The following NCR1 variants were observed in gnomAD, a reference collection of about 807,000 sequenced individuals.
NCR1 encodes natural cytotoxicity triggering receptor 1, also known as NK cell-activating receptor.
Under a neutral mutation model 32.5 loss-of-function variants are expected in NCR1, and 30 were observed. That is an observed-to-expected ratio of 0.92 (90% CI 0.69 to 1.25). NCR1 has a LOEUF of 1.25. Among genes scored for constraint, NCR1 ranks in the 50% most tolerant of loss-of-function variants. The pLI is 0.00. For synonymous variants in NCR1, 169 were observed against 143.4 expected, an observed-to-expected ratio of 1.18 and a Z score of -1.28; for missense variants, 369 against 380.7, an observed-to-expected ratio of 0.97 and a Z score of 0.26.
chr19:54,938,016 C>A, the NCR1 span: 2 of 1,570,892 alleles, frequency 1.3e-6, no homozygotes, highest in African/African-American at 2.7e-5. Flanking sequence ...CGTTCAGGGT[C>A]TTCCTTGCAA....
downstream of NCR1, among the ~76,000 whole-genome samples, chr19:54,917,101 C>G (rs1353458628): frequency 6.6e-6 from 1 of 151,900 alleles, no homozygotes; most frequent in South Asian, 2.1e-4. Flanking sequence ...CCTCGAAGGA[C>G]TCACTTCTCT....
intron 5 of NCR1, among the ~76,000 whole-genome samples, chr19:54,910,621 T>G (rs912667609): frequency 2.6e-5 from 4 of 152,012 alleles, no homozygotes; most frequent in African/African-American, 9.7e-5. Context: ...ATCAAGTGCA[T>G]AGTATACACA....
the NCR1 span, chr19:54,936,255 A>T: frequency 6.2e-7 from 1 of 1,612,024 alleles, no homozygotes. Flanking sequence ...TGACCGTGAG[A>T]CCCACCTCAG....
downstream of NCR1, among the ~76,000 whole-genome samples, chr19:54,917,391 C>T (rs2068157638): frequency 6.6e-6 from 1 of 151,958 alleles, no homozygotes. Flanking sequence ...GCCATCTTGG[C>T]TCACTGCAAC....
downstream of NCR1, among the ~76,000 whole-genome samples, chr19:54,921,080 A>T (rs2068235698): frequency 6.6e-6 from 1 of 152,240 alleles, no homozygotes; most frequent in Non-Finnish European, 1.5e-5. Context: ...AATATGCAGC[A>T]GAGTCCGACC....
downstream of NCR1, among the ~76,000 whole-genome samples, chr19:54,914,216 T>C (rs1602072890): frequency 1.1e-5 from 1 of 91,658 alleles, no homozygotes; most frequent in South Asian, 3.2e-4. Flanking sequence ...AGAATTTCAC[T>C]TTTTTTTTTT....
rs1381083437 is a variant in NCR1 at position 54,910,061 on chromosome 19, T to C, written c.678T>C (p.Phe226=). 4 of 1,613,758 alleles carry C rather than the reference T, an allele frequency of 2.5e-6. No homozygotes were observed. Among genetic ancestry groups the C allele is most frequent in the Admixed American group, 3.3e-5 (2 of 59,946 alleles). The change falls in exon 5 of 7, where the codon TTT becomes TTC. Residue 226 remains phenylalanine, a synonymous_variant. Transcript: ENST00000291890. ...GCCTTGCACCTGAAGACCCCACCTT[T>C]CCTGGTGAGTAACTGGTCCTTCTAA... ...NTSLAPEDPT[F]PADTWGTYLL... is the part of the protein sequence containing the mutation.
At chr19:54,910,948 G>T (rs1031567014) in intron 5 of NCR1, among the ~76,000 whole-genome samples, 1 of 152,186 alleles carries the variant, frequency 6.6e-6, no homozygotes, top group African/African-American at 2.4e-5. Flanking sequence ...GTGCCCTGGG[G>T]CAGGAAGATA....
upstream of NCR1, among the ~76,000 whole-genome samples, chr19:54,905,211 A>G (rs947208044): frequency 2.6e-5 from 4 of 152,214 alleles, no homozygotes; most frequent in Non-Finnish European, 1.5e-5. Context: ...CCAACAGTGT[A>G]TAAGTGTCCC....
chr19:54,934,905 C>T, the NCR1 span, among the ~76,000 whole-genome samples: 1 of 152,116 alleles, frequency 6.6e-6, no homozygotes, highest in Non-Finnish European at 1.5e-5. This position sits in a 1 kb window ranked among gnomAD's most constrained non-coding sequence, Gnocchi z 6.7. Context: ...CCATGTTGGC[C>T]ACACTGGTCT....
the NCR1 span, among the ~76,000 whole-genome samples, chr19:54,937,285 T>C: frequency 6.6e-6 from 1 of 151,708 alleles, no homozygotes; most frequent in African/African-American, 2.4e-5. Context: ...GCTTAATACT[T>C]GGGTGACAAA....
chr19:54,937,531 A>G, the NCR1 span, among the ~76,000 whole-genome samples: 1 of 151,824 alleles, frequency 6.6e-6, no homozygotes, highest in African/African-American at 2.4e-5. Flanking sequence ...CACCTCTACT[A>G]AAAACACAAG....
chr19:54,930,964 A>G, the NCR1 span, among the ~76,000 whole-genome samples: 1 of 151,926 alleles, frequency 6.6e-6, no homozygotes, highest in Non-Finnish European at 1.5e-5. Flanking sequence ...CAGAGGCTGC[A>G]GTGAGCTGAG....
chr19:54,930,687 GAGA>G, the NCR1 span: 1 of 1,610,592 alleles, frequency 6.2e-7, no homozygotes, highest in Non-Finnish European at 8.5e-7. Context: ...ATCAAAGGAA[GAGA>G]AGCCTGTTAT....
chr19:54,903,358 A>G (rs375390736), upstream of NCR1, among the ~76,000 whole-genome samples: 1 of 118,314 alleles, frequency 8.5e-6, no homozygotes, highest in Admixed American at 8.8e-5. Context: ...ATGCATATAT[A>G]CATACATGTA....
downstream of NCR1, among the ~76,000 whole-genome samples, chr19:54,917,437 A>G (rs1299118893): frequency 6.6e-6 from 1 of 151,486 alleles, no homozygotes; most frequent in Non-Finnish European, 1.5e-5. Context: ...CTCCTGCCTC[A>G]GCCCCCCAAG....
At position 54,909,401 on chromosome 19, in the gene NCR1, T is replaced by C; in HGVS notation, c.512T>C (p.Val171Ala). ...CACGTACAGCGCGGATACGGGAAGG[T>C]CCAGGCGGAGTTCCCCCTGGGCCCT... Reference protein sequence around the residue: ...SSHVQRGYGKVQAEFPLGPVT... With the variant: ...SSHVQRGYGKAQAEFPLGPVT... Residue 171 changes from valine to alanine, a missense_variant, in exon 4 of 7, where the codon GTC (valine) becomes GCC (alanine). Val to Ala is a moderately conservative substitution (Grantham distance 64, BLOSUM62 0). Transcript: ENST00000291890. 6.2e-7 allele frequency: 1 copy of C among 1,613,896 alleles called. No homozygotes were observed. The highest frequency in any genetic ancestry group is 1.3e-5 in the African/African-American group (1 of 75,018).
At chr19:54,900,021 A>T in the NCR1 span, among the ~76,000 whole-genome samples, 1 of 152,162 alleles carries the variant, frequency 6.6e-6, no homozygotes, top group Admixed American at 6.5e-5. Flanking sequence ...GAAGAGAGTA[A>T]AAAGAGGCTG....
At chr19:54,915,468 GGT>G (rs1379980646), downstream of NCR1, among the ~76,000 whole-genome samples, 1 of 151,986 alleles carries the variant, frequency 6.6e-6, no homozygotes, top group Non-Finnish European at 1.5e-5. Flanking sequence ...TGGCCAACAC[GGT>G]AAAACCCCAT....
Sources: gnomAD v4.1 joint callset for allele counts (sites outside exome capture counted in the v4.1 genomes callset) on GRCh38, gnomAD v4.1.1 for gene constraint, Gnocchi (gnomAD v3.1) non-coding constraint, MANE v1.5 for transcripts, NCBI Gene and HGNC (gene_info 2026-07-23, HGNC 2026-07-21) for gene names.